Variants in BACH2 observed in about 807,000 individuals in gnomAD.
BACH2 encodes the protein BACH transcriptional regulator 2, also known as transcription regulator protein BACH2.
A neutral mutation model predicts 61.8 loss-of-function variants in BACH2; 5 were observed. The ratio of observed to expected loss-of-function variants is 0.08; its 90% CI spans 0.04 to 0.17. The LOEUF is 0.17. Ranked by LOEUF, BACH2 falls within the 10% of genes least tolerant of loss-of-function variation. The pLI is 1.00. For missense variants in BACH2, 824 were observed against 1,091.1 expected (o/e 0.76, Z 3.45); for synonymous variants, 446 against 440.1 (o/e 1.01, Z -0.17).
chr6:90,132,729 C>G (rs1002993144), intron 4 of BACH2, among the ~76,000 whole-genome samples: 5 of 152,180 alleles, frequency 3.3e-5, no homozygotes, highest in African/African-American at 1.2e-4. Context: ...AATGGTTTTC[C>G]TGGGCTTACA....
At chr6:90,204,894 C>T (rs963637002) in intron 4 of BACH2, among the ~76,000 whole-genome samples, 6 of 152,140 alleles carry the variant, frequency 3.9e-5, no homozygotes, top group African/African-American at 4.8e-5. Context: ...GGGGTTGAAG[C>T]GGGAAAACTC....
At chr6:90,024,884 C>T (rs1249439917) in intron 5 of BACH2, among the ~76,000 whole-genome samples, 1 of 152,126 alleles carries the variant, frequency 6.6e-6, no homozygotes, top group East Asian at 1.9e-4. Flanking sequence ...GTTCGGCATT[C>T]TCTTTCCATG....
chr6:90,145,544 T>C (rs948566652), intron 4 of BACH2, among the ~76,000 whole-genome samples: 4 of 152,198 alleles, frequency 2.6e-5, no homozygotes, highest in African/African-American at 9.6e-5. Context: ...GAGTTTAAAA[T>C]AGGATCAAAG....
chr6:90,253,885 T>C (rs1351403434), intron 2 of BACH2, among the ~76,000 whole-genome samples: 5 of 143,200 alleles, frequency 3.5e-5, no homozygotes, highest in Admixed American at 7.0e-5. Flanking sequence ...GAAAACATCA[T>C]TGCCGAACTA....
At position 89,927,875 on chromosome 6, in the gene BACH2, G is replaced by C. The variant is rs1195184335; in HGVS notation, c.*4533C>G. On this transcript the variant is annotated 3_prime_UTR_variant, in exon 9 of 9. Transcript: ENST00000257749. The stretch of plus-strand genomic sequence containing the variant: ...CAAATGCTATTTGCACACACTATTT[G>C]TGTACAGATATGTTCTGTTCTACAG... The C allele has an allele frequency of 1.3e-5, 2 of 152,674 alleles. No individual in the cohort carries two copies. The highest frequency in any genetic ancestry group is 2.9e-5 in the Non-Finnish European group (2 of 68,042). 9.5% of individuals were successfully genotyped at this position (152,674 alleles called of 1,614,324 possible). A position where few individuals can be genotyped will look rare whatever the true frequency, so the allele number is the denominator to read the frequency against.
chr6:90,296,149 C>T (rs543138190), intron 1 of BACH2, among the ~76,000 whole-genome samples: 3 of 152,096 alleles, frequency 2.0e-5, no homozygotes, highest in South Asian at 2.1e-4. Flanking sequence ...TGACTTATTA[C>T]TCTCTGCTCC....
chr6:90,034,427 T>C (rs1439621239), intron 5 of BACH2, among the ~76,000 whole-genome samples: 1 of 152,076 alleles, frequency 6.6e-6, no homozygotes, highest in Non-Finnish European at 1.5e-5. Context: ...CAGCACACTG[T>C]ACATTTTCCA....
intron 6 of BACH2, among the ~76,000 whole-genome samples, chr6:89,987,559 TTC>T (rs1158510595): frequency 6.6e-6 from 1 of 152,198 alleles, no homozygotes; most frequent in Non-Finnish European, 1.5e-5. Context: ...ATTAGATTTG[TTC>T]TCTTTCATGC....
Position 90,173,644 on chromosome 6 carries a change from T to C in BACH2, c.-162+32925A>G, listed in dbSNP as rs945109279. ...GACAAAATAACATAGTGATAAAAAA[T>C]AGATCAGTAGTTTCCTAATGCCAGA... is the stretch of plus-strand genomic sequence containing the variant. On this transcript the variant is annotated intron_variant, in intron 4 of 8. Coordinates refer to ENST00000257749, the MANE Select transcript of BACH2 (RefSeq NM_021813.4). Among the ~76,000 whole-genome samples, 13 of 152,070 alleles carry C rather than the reference T, an allele frequency of 8.5e-5. 1 individual carries two copies. Among genetic ancestry groups the C allele is most frequent in the Non-Finnish European group, 1.9e-4 (13 of 67,944 alleles).
intron 5 of BACH2, among the ~76,000 whole-genome samples, chr6:90,024,033 G>A (rs565778861): frequency 3.3e-5 from 5 of 152,342 alleles, no homozygotes; most frequent in East Asian, 1.9e-4. Flanking sequence ...AAGGGACACC[G>A]TGGGGTTTCA....
intron 6 of BACH2, among the ~76,000 whole-genome samples, chr6:89,961,543 CCT>C (rs1476148198): frequency 2.0e-5 from 3 of 152,128 alleles, no homozygotes; most frequent in African/African-American, 7.2e-5. Flanking sequence ...CTGGTTTCAC[CCT>C]CTCAACCCCT....
rs931348839 is a variant in BACH2, at chr6:90,195,210, C to T, written c.-162+11359G>A. ...ACCTCCCCCCTCCCCCATCTCTTTT[C>T]CTCTCTCTCCTCCTTGTCTCTTTGT... On this transcript the variant is annotated intron_variant, in intron 4 of 8. Transcript: ENST00000257749. Among the ~76,000 whole-genome samples the T allele has an allele frequency of 7.2e-5, 11 of 152,122 alleles. No individual in the cohort carries two copies. In the East Asian group the frequency reaches 2.1e-3, roughly 29 times the overall value.
intron 5 of BACH2, among the ~76,000 whole-genome samples, chr6:90,041,887 C>A (rs1779554286): frequency 6.6e-6 from 1 of 151,628 alleles, no homozygotes. Flanking sequence ...CTTTTATTTC[C>A]TTCCTGCTAT....
At position 89,931,764 on chromosome 6, in the gene BACH2, C is replaced by T. The variant is rs572152838; in HGVS notation, c.*644G>A. Reference sequence around the variant, plus strand: ...ACTGAATTTTGTCCATAAATAAGTACGAATTGAAAATTGAACTGTGAAGCA... The same window carrying T: ...ACTGAATTTTGTCCATAAATAAGTATGAATTGAAAATTGAACTGTGAAGCA... On this transcript the variant is annotated 3_prime_UTR_variant, in exon 9 of 9. Coordinates refer to ENST00000257749, the MANE Select transcript of BACH2 (RefSeq NM_021813.4). The T allele has an allele frequency of 6.6e-5, 10 of 152,112 alleles. No individual in the cohort carries two copies. Among genetic ancestry groups the T allele is most frequent in the South Asian group, 6.3e-4 (3 of 4,784 alleles). 9.4% of individuals were successfully genotyped at this position (152,112 alleles called of 1,614,324 possible).
At chr6:90,000,222 C>CCGCA (rs1427521469) in intron 6 of BACH2, among the ~76,000 whole-genome samples, 1 of 152,224 alleles carries the variant, frequency 6.6e-6, no homozygotes, top group Non-Finnish European at 1.5e-5. Flanking sequence ...CGCTGCCTTA[C>CCGCA]CGCAACTCCA....
At chr6:90,170,492 T>C (rs542833010) in intron 4 of BACH2, among the ~76,000 whole-genome samples, 1 of 152,338 alleles carries the variant, frequency 6.6e-6, no homozygotes, top group Non-Finnish European at 1.5e-5. Flanking sequence ...GCTCAACAAG[T>C]ATTTGTTGAA....
chr6:89,942,538 G>A (rs905372022), intron 7 of BACH2, among the ~76,000 whole-genome samples: 2 of 152,176 alleles, frequency 1.3e-5, no homozygotes, highest in Admixed American at 1.3e-4. Flanking sequence ...CCCAGCAGTG[G>A]CTTGGTTTCC....
At chr6:90,011,168 G>T (rs1777684247) in intron 5 of BACH2, among the ~76,000 whole-genome samples, 1 of 152,122 alleles carries the variant, frequency 6.6e-6, no homozygotes, top group Non-Finnish European at 1.5e-5. Flanking sequence ...TGCTAGAAGT[G>T]TTATTTTTTT....
At chr6:90,157,253 T>C (rs1453300378) in intron 4 of BACH2, among the ~76,000 whole-genome samples, 1 of 152,224 alleles carries the variant, frequency 6.6e-6, no homozygotes, top group South Asian at 2.1e-4. Context: ...GGATTTAGCA[T>C]TGGGCTCAAT....
Sources: allele counts gnomAD v4.1 joint callset (sites outside exome capture counted in the v4.1 genomes callset), GRCh38; gene constraint gnomAD v4.1.1; transcripts MANE v1.5; gene names NCBI Gene and HGNC (gene_info 2026-07-23, HGNC 2026-07-21).